Variants in NRG3 observed in about 807,000 individuals in gnomAD.
NRG3 encodes the protein neuregulin 3, also known as pro-neuregulin-3, membrane-bound isoform.
Under a neutral mutation model 66.9 loss-of-function variants are expected in NRG3, and 31 were observed. That is an observed-to-expected ratio of 0.46 (90% CI 0.35 to 0.63). The LOEUF (loss-of-function observed/expected upper bound fraction) is 0.63. Ranked by LOEUF, NRG3 falls within the 20% of genes least tolerant of loss-of-function variation. The pLI, the probability that NRG3 is intolerant of heterozygous loss-of-function variation, is 0.00. For missense variants in NRG3, 910 were observed against 878.9 expected (o/e 1.04, Z -0.45); for synonymous variants, 393 against 359.4 (o/e 1.09, Z -1.06).
At chr10:82,767,313 AT>A (rs2059554226) in intron 3 of NRG3, among the ~76,000 whole-genome samples, 2 of 151,824 alleles carry the variant, frequency 1.3e-5, no homozygotes, top group South Asian at 4.2e-4. Flanking sequence ...TGCGTACTTC[AT>A]TTTTGGATTT....
chr10:82,062,740 A>G (rs1275734973), intron 1 of NRG3, among the ~76,000 whole-genome samples: 1 of 152,152 alleles, frequency 6.6e-6, no homozygotes, highest in Non-Finnish European at 1.5e-5. Context: ...TACTGGGGAA[A>G]AGTATCATCA....
chr10:82,740,461 G>A (rs370184777), intron 3 of NRG3, among the ~76,000 whole-genome samples: 5 of 152,106 alleles, frequency 3.3e-5, no homozygotes, highest in East Asian at 3.9e-4. Context: ...TTCTCTCCTC[G>A]TAGAACAAAA....
At chr10:82,363,050 A>G (rs1480092937) in intron 2 of NRG3, among the ~76,000 whole-genome samples, 1 of 152,212 alleles carries the variant, frequency 6.6e-6, no homozygotes, top group Non-Finnish European at 1.5e-5. Context: ...TTTTATCTGA[A>G]TATCATAAAT....
intron 2 of NRG3, among the ~76,000 whole-genome samples, chr10:82,643,708 C>G (rs924761597): frequency 6.6e-6 from 1 of 152,024 alleles, no homozygotes; most frequent in Non-Finnish European, 1.5e-5. Flanking sequence ...CTAATCTTTT[C>G]CCATTATTGT....
At chr10:82,918,035 T>C (rs1319278685) in intron 4 of NRG3, among the ~76,000 whole-genome samples, 1 of 149,670 alleles carries the variant, frequency 6.7e-6, no homozygotes, top group Non-Finnish European at 1.5e-5. Context: ...TACATATTCT[T>C]ACATGTATGT....
At chr10:82,323,932 T>C (rs2081722465) in intron 1 of NRG3, among the ~76,000 whole-genome samples, 1 of 152,186 alleles carries the variant, frequency 6.6e-6, no homozygotes, top group Non-Finnish European at 1.5e-5. Context: ...TGGTGCGATC[T>C]CGGCTCACTG....
Position 82,020,084 on chromosome 10 carries a change from A to C in NRG3, c.823+143921A>C, listed in dbSNP as rs114284248. ...TCTCTTGTGGGCATTTACTGCTATAAATTTCTAAAGGCTTTCAAAGTAAAA... is the reference window on the plus strand; with the variant it reads ...TCTCTTGTGGGCATTTACTGCTATACATTTCTAAAGGCTTTCAAAGTAAAA... On this transcript the variant is annotated intron_variant, in intron 1 of 8. Coordinates refer to ENST00000372141, the MANE Select transcript of NRG3 (RefSeq NM_001010848.4). Among the ~76,000 whole-genome samples the C allele has an allele frequency of 9.7e-3, 1,481 of 152,180 alleles. 32 individuals carry two copies. The highest frequency in any genetic ancestry group is 0.033 in the African/African-American group (1,387 of 41,534).
chr10:81,970,579 A>G (rs1194255305), intron 1 of NRG3, among the ~76,000 whole-genome samples: 2 of 152,134 alleles, frequency 1.3e-5, no homozygotes, highest in African/African-American at 4.8e-5. Context: ...TTTGCAAATT[A>G]AGTATTTTGT....
intron 1 of NRG3, among the ~76,000 whole-genome samples, chr10:82,017,975 TG>T (rs2061868245): frequency 6.6e-6 from 1 of 152,238 alleles, no homozygotes. Flanking sequence ...TGGCTTTTTT[TG>T]CCATAGCTTT....
intron 1 of NRG3, among the ~76,000 whole-genome samples, chr10:82,136,630 C>A (rs1220756428): frequency 1.3e-5 from 2 of 152,090 alleles, no homozygotes; most frequent in Non-Finnish European, 1.5e-5. Flanking sequence ...TGGGTTACAC[C>A]AGAAGCCAGT....
chr10:81,926,450 C>T (rs952301906), intron 1 of NRG3, among the ~76,000 whole-genome samples: 2 of 152,020 alleles, frequency 1.3e-5, no homozygotes, highest in African/African-American at 2.4e-5. Flanking sequence ...AGAGAATATC[C>T]GGTTAAGCTA....
intron 4 of NRG3, among the ~76,000 whole-genome samples, chr10:82,932,839 A>G (rs1156428804): frequency 1.3e-5 from 2 of 152,162 alleles, no homozygotes; most frequent in African/African-American, 2.4e-5. Flanking sequence ...ATCCAGGATG[A>G]AGACACACAG....
intron 3 of NRG3, among the ~76,000 whole-genome samples, chr10:82,777,337 G>A (rs984620917): frequency 1.2e-4 from 18 of 152,120 alleles, no homozygotes; most frequent in Non-Finnish European, 1.5e-5. Flanking sequence ...CTCAGCTGAG[G>A]GGATCCCTCT....
At chr10:82,090,546 G>A (rs1274430711) in intron 1 of NRG3, among the ~76,000 whole-genome samples, 2 of 152,152 alleles carry the variant, frequency 1.3e-5, no homozygotes, top group East Asian at 3.8e-4. Context: ...TTTTAATGAA[G>A]CACCAGTCAT....
At chr10:82,431,738 T>G (rs1286149723) in intron 2 of NRG3, among the ~76,000 whole-genome samples, 2 of 152,186 alleles carry the variant, frequency 1.3e-5, no homozygotes, top group Non-Finnish European at 2.9e-5. Context: ...TAAAAAAAGA[T>G]AATGTCTTTT....
intron 1 of NRG3, among the ~76,000 whole-genome samples, chr10:81,948,889 A>G (rs1036439902): frequency 6.6e-6 from 1 of 152,184 alleles, no homozygotes; most frequent in Non-Finnish European, 1.5e-5. Flanking sequence ...TCACAGGTAC[A>G]GTTTATTACA....
chr10:82,559,601 G>T (rs1244538790), intron 2 of NRG3, among the ~76,000 whole-genome samples: 3 of 152,206 alleles, frequency 2.0e-5, no homozygotes, highest in Non-Finnish European at 4.4e-5. Context: ...CAGAAGGACA[G>T]CTTGTATGTT....
At chr10:82,164,710 A>T (rs1008942165) in intron 1 of NRG3, among the ~76,000 whole-genome samples, 4 of 152,174 alleles carry the variant, frequency 2.6e-5, no homozygotes, top group Non-Finnish European at 5.9e-5. Flanking sequence ...AGAAAAGAAA[A>T]CAGTCAAGAA....
chr10:82,949,008 T>G (rs1849278435), intron 4 of NRG3, among the ~76,000 whole-genome samples: 1 of 152,152 alleles, frequency 6.6e-6, no homozygotes, highest in Admixed American at 6.6e-5. Context: ...AAAAACATTC[T>G]TTCACAGCTA....
Sources: gnomAD v4.1 joint callset for allele counts (sites outside exome capture counted in the v4.1 genomes callset) on GRCh38, gnomAD v4.1.1 for gene constraint, MANE v1.5 for transcripts, NCBI Gene and HGNC (gene_info 2026-07-23, HGNC 2026-07-21) for gene names.